CRY1: variants seen among roughly 807,000 people sequenced by gnomAD.
CRY1 encodes the protein cryptochrome circadian regulator 1.
In CRY1, 45 loss-of-function variants were observed where a neutral mutation model predicts 76.0. That is an observed-to-expected ratio of 0.59 (90% CI 0.47 to 0.76). The LOEUF is 0.76. Ranked by LOEUF, CRY1 falls within the 30% of genes least tolerant of loss-of-function variation. The pLI is 0.00. For synonymous variants in CRY1, 248 were observed against 244.0 expected (o/e 1.02, Z -0.15); for missense variants, 587 against 716.4 (o/e 0.82, Z 2.06).
chr12:107,025,610 TTC>T (rs1214680354), intron 1 of CRY1, among the ~76,000 whole-genome samples: 1 of 152,308 alleles, frequency 6.6e-6, no homozygotes, highest in African/African-American at 2.4e-5. Context: ...TCCTTTCCAC[TTC>T]TGTTTTTGCT....
At chr12:107,080,032 G>A (rs1953303751) in intron 1 of CRY1, among the ~76,000 whole-genome samples, 1 of 152,108 alleles carries the variant, frequency 6.6e-6, no homozygotes, top group African/African-American at 2.4e-5. Context: ...AGAGACAATG[G>A]AGAGGGAAGA....
intron 1 of CRY1, among the ~76,000 whole-genome samples, chr12:107,025,774 C>T (rs1046668824): frequency 2.0e-5 from 3 of 151,978 alleles, no homozygotes; most frequent in Non-Finnish European, 4.4e-5. Flanking sequence ...AGGTTTTCAA[C>T]GACTCATTCC....
Position 107,093,187 on chromosome 12 carries a change from G to A in CRY1, c.-226C>T. ...GTTGCCTAGTCGGCGGAGTCCGGGTGTGACGCCCTTTAGGAGCCCGCGCCC... is the reference window on the plus strand; with the variant it reads ...GTTGCCTAGTCGGCGGAGTCCGGGTATGACGCCCTTTAGGAGCCCGCGCCC... On this transcript the variant is annotated 5_prime_UTR_variant, in exon 1 of 13. Transcript: ENST00000008527. The A allele has an allele frequency of 5.8e-6, 3 of 517,896 alleles. No individual in the cohort carries two copies. The highest frequency in any genetic ancestry group is 9.8e-6 in the Non-Finnish European group (3 of 306,328). The allele number at this position is 517,896 out of a possible 1,614,324, so 32.1% of individuals were successfully genotyped here.
chr12:107,054,764 G>A (rs1180425906), intron 1 of CRY1, among the ~76,000 whole-genome samples: 2 of 151,462 alleles, frequency 1.3e-5, no homozygotes, highest in Non-Finnish European at 2.9e-5. Flanking sequence ...ATAAAGTCAC[G>A]TTCATAATGA....
chr12:107,071,046 CTAGA>C (rs1953185544), intron 1 of CRY1, among the ~76,000 whole-genome samples: 1 of 151,900 alleles, frequency 6.6e-6, no homozygotes, highest in African/African-American at 2.4e-5. Flanking sequence ...GTTGATTCTC[CTAGA>C]TATTTTGGGA....
intron 2 of CRY1, among the ~76,000 whole-genome samples, chr12:107,008,163 A>G (rs1952396610): frequency 6.6e-6 from 1 of 152,202 alleles, no homozygotes; most frequent in Admixed American, 6.5e-5. Context: ...TACAACTAAA[A>G]GAAAAGGAAC....
At position 107,079,946 on chromosome 12, in the gene CRY1, T is replaced by C. The variant is rs539601914; in HGVS notation, c.158+12858A>G. ...TCTACTTGCTGTGTAGCGAATGAAT[T>C]AGAGAAGGGCAAGGGGGACAATGAT... On this transcript the variant is annotated intron_variant, in intron 1 of 12. Coordinates refer to ENST00000008527, the MANE Select transcript of CRY1 (RefSeq NM_004075.5). 3.3e-5 allele frequency among the ~76,000 whole-genome samples: 5 copies of C among 152,218 alleles called. No individual in the cohort carries two copies. The South Asian group carries it at 1.0e-3, about 32-fold the overall frequency.
chr12:107,026,326 G>C (rs1029434028), intron 1 of CRY1, among the ~76,000 whole-genome samples: 5 of 150,900 alleles, frequency 3.3e-5, no homozygotes, highest in African/African-American at 1.2e-4. Context: ...CCACCTCCCA[G>C]GTTCAGGCAA....
intron 1 of CRY1, among the ~76,000 whole-genome samples, chr12:107,053,395 T>C (rs1219805346): frequency 2.0e-5 from 3 of 152,044 alleles, no homozygotes; most frequent in Non-Finnish European, 2.9e-5. Flanking sequence ...CAGCTCACCA[T>C]AACCTCTGCC....
intron 1 of CRY1, among the ~76,000 whole-genome samples, chr12:107,092,148 T>C (rs765827185): frequency 1.3e-5 from 2 of 152,204 alleles, no homozygotes; most frequent in Non-Finnish European, 2.9e-5. Context: ...AACAATCATG[T>C]AGCCTGGTGT....
At chr12:107,014,035 A>G (rs1952472321) in intron 2 of CRY1, among the ~76,000 whole-genome samples, 1 of 152,186 alleles carries the variant, frequency 6.6e-6, no homozygotes, top group Non-Finnish European at 1.5e-5. Context: ...GACGGAAAAT[A>G]AACAAGGAAT....
intron 1 of CRY1, among the ~76,000 whole-genome samples, chr12:107,042,301 G>A (rs749975237): frequency 1.3e-5 from 2 of 152,100 alleles, no homozygotes; most frequent in Non-Finnish European, 2.9e-5. Context: ...AATGTTTAAG[G>A]AGACAGAATA....
At chr12:107,037,441 A>G (rs1168692378) in intron 1 of CRY1, among the ~76,000 whole-genome samples, 1 of 152,106 alleles carries the variant, frequency 6.6e-6, no homozygotes, top group East Asian at 1.9e-4. Flanking sequence ...CAGAGGCAGG[A>G]GAATCACTTG....
chr12:107,033,136 T>G (rs955065311), intron 1 of CRY1, among the ~76,000 whole-genome samples: 2 of 152,132 alleles, frequency 1.3e-5, no homozygotes, highest in African/African-American at 4.8e-5. Flanking sequence ...CAAACAAATT[T>G]GAAAACTTAG....
chr12:107,092,359 G>GGATC (rs1953482216), intron 1 of CRY1, among the ~76,000 whole-genome samples: 1 of 152,170 alleles, frequency 6.6e-6, no homozygotes, highest in Non-Finnish European at 1.5e-5. Flanking sequence ...GAAGAACACT[G>GGATC]GATCTGGAGC....
At chr12:107,049,367 C>A (rs760431100) in intron 1 of CRY1, among the ~76,000 whole-genome samples, 1 of 152,108 alleles carries the variant, frequency 6.6e-6, no homozygotes, top group Non-Finnish European at 1.5e-5. Context: ...CCCACAAATT[C>A]TTACTATCTT....
intron 2 of CRY1, among the ~76,000 whole-genome samples, chr12:107,019,316 T>C (rs901340028): frequency 1.3e-5 from 2 of 152,110 alleles, no homozygotes; most frequent in African/African-American, 2.4e-5. Context: ...TGGCTCTAGA[T>C]ATGGTAAATA....
rs139965421 is a variant in CRY1, at chr12:107,060,488, T to C, written c.158+32316A>G. 3.4e-3 allele frequency among the ~76,000 whole-genome samples: 513 copies of C among 152,314 alleles called. 2 individuals carry two copies. Among genetic ancestry groups the C allele is most frequent in the African/African-American group, 0.011 (466 of 41,568 alleles). ...CAAACCCATAAGCAATATATTTTTGTTCATTAAAAATTACCCAGTCTTTGG... is the reference window on the plus strand; with the variant it reads ...CAAACCCATAAGCAATATATTTTTGCTCATTAAAAATTACCCAGTCTTTGG... On this transcript the variant is annotated intron_variant, in intron 1 of 12. Transcript: ENST00000008527.
intron 1 of CRY1, among the ~76,000 whole-genome samples, chr12:107,025,240 TA>T (rs1268847634): frequency 6.6e-6 from 1 of 152,216 alleles, no homozygotes; most frequent in Non-Finnish European, 1.5e-5. Context: ...ATAATTAGCA[TA>T]CATTCCTTCA....
Sources: allele counts gnomAD v4.1 joint callset (sites outside exome capture counted in the v4.1 genomes callset), GRCh38; gene constraint gnomAD v4.1.1; transcripts MANE v1.5; gene names NCBI Gene and HGNC (gene_info 2026-07-23, HGNC 2026-07-21).